PLCE1: variants seen among roughly 807,000 people sequenced by gnomAD.
The protein encoded by PLCE1 is phospholipase C epsilon 1.
A neutral mutation model predicts 242.8 loss-of-function variants in PLCE1; 119 were observed. The ratio of observed to expected loss-of-function variants is 0.49; its 90% confidence interval spans 0.42 to 0.57. The LOEUF (loss-of-function observed/expected upper bound fraction) is 0.57. Among genes scored for constraint, PLCE1 ranks in the 20% least tolerant of loss-of-function variants. The pLI, the probability that PLCE1 is intolerant of heterozygous loss-of-function variation, is 0.00. For missense variants in PLCE1, 2,441 were observed against 2,788.8 expected, an observed-to-expected ratio of 0.88 and a Z score of 2.81; for synonymous variants, 945 against 1,017.4, an observed-to-expected ratio of 0.93 and a Z score of 1.35.
At chr10:94,161,657 T>A (rs1007591829) in intron 3 of PLCE1, among the ~76,000 whole-genome samples, 1 of 152,208 alleles carries the variant, frequency 6.6e-6, no homozygotes, top group Non-Finnish European at 1.5e-5. Context: ...TTCCTTCTCC[T>A]GTCTGATTAC....
intron 16 of PLCE1, 50 bp downstream of exon 16, chr10:94,266,008 A>G (rs1179490065): frequency 3.2e-6 from 5 of 1,579,860 alleles, no homozygotes; most frequent in Non-Finnish European, 4.4e-6. Flanking sequence ...CTAATTATTT[A>G]TGTAACCCCC....
intron 2 of PLCE1, among the ~76,000 whole-genome samples, chr10:94,130,614 C>T (rs1032172310): frequency 6.6e-6 from 1 of 152,198 alleles, no homozygotes; most frequent in Non-Finnish European, 1.5e-5. Context: ...CAAACCTGGG[C>T]TCTTTCTGTC....
intron 2 of PLCE1, among the ~76,000 whole-genome samples, chr10:94,059,178 G>A (rs1296349985): frequency 6.6e-6 from 1 of 152,168 alleles, no homozygotes; most frequent in Non-Finnish European, 1.5e-5. Context: ...AATGACTTGG[G>A]GCTAAAAGGC....
chr10:94,173,659 GT>G (rs2048047910), intron 4 of PLCE1, among the ~76,000 whole-genome samples: 1 of 152,168 alleles, frequency 6.6e-6, no homozygotes, highest in Non-Finnish European at 1.5e-5. Context: ...AGACGAATCA[GT>G]GATTTCACTA....
At chr10:94,136,264 C>A (rs764470867) in intron 3 of PLCE1, among the ~76,000 whole-genome samples, 1 of 152,058 alleles carries the variant, frequency 6.6e-6, no homozygotes, top group South Asian at 2.1e-4. Context: ...TTAGTGTTTA[C>A]GGGCTATAGA....
chr10:94,204,779 G>A (rs542983264), intron 4 of PLCE1, among the ~76,000 whole-genome samples: 2 of 133,898 alleles, frequency 1.5e-5, no homozygotes, highest in East Asian at 4.4e-4. Context: ...AGGAAGGAAG[G>A]AAGGAAGGAA....
intron 4 of PLCE1, among the ~76,000 whole-genome samples, chr10:94,185,510 A>G (rs930434592): frequency 2.6e-5 from 4 of 152,212 alleles, no homozygotes; most frequent in Non-Finnish European, 5.9e-5. Context: ...AGAAAAAAAA[A>G]TGTCTGGGCA....
At chr10:94,140,541 C>A (rs2046924443) in intron 3 of PLCE1, among the ~76,000 whole-genome samples, 1 of 152,170 alleles carries the variant, frequency 6.6e-6, no homozygotes, top group Non-Finnish European at 1.5e-5. Context: ...AGACTCCCAT[C>A]AAGTTTTCAA....
intron 2 of PLCE1, among the ~76,000 whole-genome samples, chr10:94,034,833 A>T (rs2061633065): frequency 6.6e-6 from 1 of 152,192 alleles, no homozygotes; most frequent in Non-Finnish European, 1.5e-5. Context: ...GAGTTTAAAC[A>T]GAGCTCTTTG....
intron 4 of PLCE1, among the ~76,000 whole-genome samples, chr10:94,202,484 C>G (rs2049015886): frequency 6.6e-6 from 1 of 152,112 alleles, no homozygotes; most frequent in South Asian, 2.1e-4. Context: ...TTTACCACCA[C>G]CCCCCATAGA....
intron 3 of PLCE1, among the ~76,000 whole-genome samples, chr10:94,154,451 A>C (rs959340066): frequency 1.3e-5 from 2 of 152,226 alleles, no homozygotes; most frequent in Non-Finnish European, 2.9e-5. Flanking sequence ...GGTAACAAAC[A>C]AAAAAATAGA....
chr10:94,031,274 G>A lies in PLCE1; in HGVS notation c.228G>A (p.Ala76=), dbSNP rs376238435. Residue 76 remains alanine, a synonymous_variant, in exon 2 of 33, where the codon GCG becomes GCA. Coordinates refer to ENST00000371380, the MANE Select transcript of PLCE1 (RefSeq NM_016341.4). ...GSNLPKILSI[A]REKIVSDENS... ...ACTTGCCAAAGATTCTCTCAATAGC[G>A]AGGGAGAAAATAGTGAGTGATGAGA... 39 of 1,613,836 alleles carry A rather than the reference G, an allele frequency of 2.4e-5. No homozygotes were observed. Among genetic ancestry groups the A allele is most frequent in the East Asian group, 6.7e-5 (3 of 44,870 alleles).
chr10:94,220,376 T>TTTTATA (rs1554887054), intron 4 of PLCE1, among the ~76,000 whole-genome samples: 1 of 61,904 alleles, frequency 1.6e-5, no homozygotes, highest in Non-Finnish European at 2.9e-5. Flanking sequence ...ACTAAACATT[T>TTTTATA]TATATATATA....
chr10:94,218,700 C>A (rs537983936), intron 4 of PLCE1, among the ~76,000 whole-genome samples: 1 of 151,892 alleles, frequency 6.6e-6, no homozygotes, highest in Non-Finnish European at 1.5e-5. Context: ...AATTCACAGG[C>A]ATGCAGTAAC....
chr10:94,207,916 AT>A (rs749304431), intron 4 of PLCE1, among the ~76,000 whole-genome samples: 102 of 152,346 alleles, frequency 6.7e-4, no homozygotes, highest in South Asian at 1.9e-3. Flanking sequence ...ATTTAAATGA[AT>A]ATGTGAACAA....
rs186468483 is a variant in PLCE1, at chr10:94,030,887, G to A, written c.-160G>A. On this transcript the variant is annotated 5_prime_UTR_variant, in exon 2 of 33. Transcript: ENST00000371380. ...AAGTTATAACTAAGAAAATTTATTT[G>A]CCTCTTAATGCTCCTGAATGAAAGG... 476 of 689,938 alleles carry A rather than the reference G, an allele frequency of 6.9e-4. 6 individuals carry two copies. In the East Asian group the frequency reaches 0.012, roughly 18 times the overall value. 42.7% of individuals were successfully genotyped at this position (689,938 alleles called of 1,614,324 possible).
intron 29 of PLCE1, 39 bp downstream of exon 29, chr10:94,316,795 A>T: frequency 7.0e-7 from 1 of 1,434,496 alleles, no homozygotes; most frequent in Middle Eastern, 1.7e-4. Context: ...GTAACGACTC[A>T]TTATGTGATT....
chr10:93,994,649 T>C (rs544003938), intron 1 of PLCE1, among the ~76,000 whole-genome samples: 2 of 152,298 alleles, frequency 1.3e-5, no homozygotes, highest in African/African-American at 4.8e-5. Flanking sequence ...TCCTAGAAAA[T>C]ACAATATTGG....
rs1162614468 is a variant in PLCE1, at chr10:94,329,759, A to G, written c.*1816A>G. On this transcript the variant is annotated 3_prime_UTR_variant, in exon 33 of 33. Transcript: ENST00000371380. ...CACCACCACGCTCCAGCCTGGTGAC[A>G]GAGCGAGACTCCGTCTCAAAAAAAA... 7.7e-6 allele frequency: 1 copy of G among 130,276 alleles called. No individual in the cohort carries two copies. The highest frequency in any genetic ancestry group is 1.6e-5 in the Non-Finnish European group (1 of 63,672). 8.1% of individuals were successfully genotyped at this position (130,276 alleles called of 1,614,324 possible).
Sources: allele counts gnomAD v4.1 joint callset (sites outside exome capture counted in the v4.1 genomes callset), GRCh38; gene constraint gnomAD v4.1.1; transcripts MANE v1.5; gene names NCBI Gene and HGNC (gene_info 2026-07-23, HGNC 2026-07-21).